The following KMT2A variants were observed in gnomAD, a reference collection of about 807,000 sequenced individuals.
KMT2A encodes the protein lysine methyltransferase 2A, also known as histone-lysine N-methyltransferase 2A.
KMT2A carries 16 observed loss-of-function variants against 345.3 expected under a neutral mutation model. The ratio of observed to expected loss-of-function variants is 0.05; its 90% CI spans 0.03 to 0.07. The LOEUF (loss-of-function observed/expected upper bound fraction) is 0.07, where lower values mean the gene tolerates loss of function less well. KMT2A is among the 10% of genes least tolerant of loss of function. The pLI is 1.00. For synonymous variants in KMT2A, 1,599 were observed against 1,778.6 expected, an observed-to-expected ratio of 0.90 and a Z score of 2.54; for missense variants, 3,272 against 4,841.6, an observed-to-expected ratio of 0.68 and a Z score of 9.62.
At chr11:118,462,813 C>G (rs975134927) in intron 1 of KMT2A, among the ~76,000 whole-genome samples, 1 of 152,196 alleles carries the variant, frequency 6.6e-6, no homozygotes, top group Admixed American at 6.5e-5. Context: ...CCTCCCACGT[C>G]GGCCTCCTAA....
At position 118,505,060 on chromosome 11, in the gene KMT2A, T is replaced by C; in HGVS notation, c.9168T>C (p.Ser3056=). The C allele has an allele frequency of 6.2e-7, 1 of 1,614,140 alleles. No homozygotes were observed. The highest frequency in any genetic ancestry group is 8.5e-7 in the Non-Finnish European group (1 of 1,180,026). The change falls in exon 27 of 36, where the codon AGT becomes AGC. Residue 3056 remains serine (S), a synonymous_variant. Coordinates refer to ENST00000534358, the MANE Select transcript of KMT2A (RefSeq NM_001197104.2). The surrounding 1 kb of genome is among the most constrained non-coding windows in gnomAD (Gnocchi z 4.6). ...AGTATGTGCCCAATTCTACTGATAG[T>C]CCTGGCCCGTCTCAGATTTCCAATG... The part of the protein sequence containing the change: ...NQKYVPNSTD[S]PGPSQISNAA...
intron 10 of KMT2A, among the ~76,000 whole-genome samples, chr11:118,487,651 T>G (rs1950252950): frequency 6.6e-6 from 1 of 152,324 alleles, no homozygotes; most frequent in Non-Finnish European, 1.5e-5. Flanking sequence ...CCATTTTACC[T>G]CTAAATATTT....
rs1949983347 is a variant in KMT2A at position 118,473,651 on chromosome 11, G to T, written c.2492G>T (p.Ser831Ile). The change falls in exon 3 of 36, where the codon AGT (serine) becomes ATT (isoleucine). Residue 831 changes from serine to isoleucine, a missense_variant. Coordinates refer to ENST00000534358, the MANE Select transcript of KMT2A (RefSeq NM_001197104.2). This position sits in a 1 kb window ranked among gnomAD's most constrained non-coding sequence, Gnocchi z 5.2. ...SAPAEPFSSS[S>I]PTPLFPWFTP... is the part of the protein sequence containing the mutation. ...CCGGCAGAGCCATTTTCATCAAGTA[G>T]TCCTACTCCTCTCTTCCCTTGGTTT... The T allele has an allele frequency of 6.2e-7, 1 of 1,614,090 alleles. No individual in the cohort carries two copies.
At position 118,520,769 on chromosome 11, in the gene KMT2A, A is replaced by G. The variant is rs782669151; in HGVS notation, c.11430-33A>G. ...AAGACTCAAAACATTATTTCCTGAA[A>G]AAAATTCGTTAATAGTATGTCTTAT... On this transcript the variant is annotated intron_variant, in intron 33 of 35. Transcript: ENST00000534358. This position sits in a 1 kb window ranked among gnomAD's most constrained non-coding sequence, Gnocchi z 4.3. The G allele has an allele frequency of 6.5e-7, 1 of 1,532,866 alleles. No individual in the cohort carries two copies. The highest frequency in any genetic ancestry group is 9.0e-7 in the Non-Finnish European group (1 of 1,106,120). 95.0% of individuals were successfully genotyped at this position (1,532,866 alleles called of 1,614,324 possible). A position where few individuals can be genotyped will look rare whatever the true frequency, so the allele number is the denominator to read the frequency against.
intron 1 of KMT2A, among the ~76,000 whole-genome samples, chr11:118,462,704 G>A (rs979575159): frequency 6.6e-6 from 1 of 151,952 alleles, no homozygotes; most frequent in African/African-American, 2.4e-5. Flanking sequence ...GACTACAGGC[G>A]CCCGCCATCA....
rs782624653 is a variant in KMT2A, at chr11:118,504,786, TCAC to T, written c.8895_8897del (p.Thr2966del). 3 of 1,614,056 alleles carry T rather than the reference TCAC, an allele frequency of 1.9e-6. No individual in the cohort carries two copies. In the Admixed American group the frequency reaches 5.0e-5, roughly 27 times the overall value. On this transcript the variant is annotated inframe_deletion, in exon 27 of 36. Coordinates refer to ENST00000534358, the MANE Select transcript of KMT2A (RefSeq NM_001197104.2). The surrounding 1 kb of genome is among the most constrained non-coding windows in gnomAD (Gnocchi z 6.4). ...GACTCAGGGGAGAAGAGAGTAACCA[TCAC>T]AGAAAAATCTGTAGCCTCCTCTGAA... is the stretch of plus-strand genomic sequence containing the variant.
In KMT2A at chr11:118,506,489, G is replaced by C; in HGVS notation, c.10597G>C (p.Val3533Leu). 6.2e-7 allele frequency: 1 copy of C among 1,614,228 alleles called. No homozygotes were observed. The highest frequency in any genetic ancestry group is 8.5e-7 in the Non-Finnish European group (1 of 1,180,050). Residue 3533 changes from valine to leucine, a missense_variant, in exon 27 of 36, where the codon GTG (valine) becomes CTG (leucine). Physicochemically the swap from Val to Leu is conservative, Grantham distance 32. Coordinates refer to ENST00000534358, the MANE Select transcript of KMT2A (RefSeq NM_001197104.2). ...TGGACAGCGGTCAGCAAGCCCTTCA[G>C]TGCCGGGTCCCACTAAACCCAAACC... is the stretch of plus-strand genomic sequence containing the variant. ...SSGQRSASPSVPGPTKPKPKT... is the reference protein window; with the variant it reads ...SSGQRSASPSLPGPTKPKPKT...
Position 118,523,745 on chromosome 11 carries a change from G to A in KMT2A, c.*1573G>A, listed in dbSNP as rs1951020120. 4.6e-6 allele frequency: 1 copy of A among 219,686 alleles called. No homozygotes were observed. The highest frequency in any genetic ancestry group is 2.2e-5 in the African/African-American group (1 of 44,586). 13.6% of individuals were successfully genotyped at this position (219,686 alleles called of 1,614,324 possible). ...ATATTCAGCTGTACACACAAAGTCT[G>A]GTTTTTCCTGCCCAACTTCCCCCTG... On this transcript the variant is annotated 3_prime_UTR_variant, in exon 36 of 36. Coordinates refer to ENST00000534358, the MANE Select transcript of KMT2A (RefSeq NM_001197104.2).
In KMT2A at chr11:118,491,711, G is replaced by A; in HGVS notation, c.4820-33G>A. The A allele has an allele frequency of 6.6e-7, 1 of 1,510,888 alleles. No homozygotes were observed. The highest frequency in any genetic ancestry group is 9.0e-7 in the Non-Finnish European group (1 of 1,106,758). The allele number at this position is 1,510,888 out of a possible 1,614,324, so 93.6% of individuals were successfully genotyped here. A position where few individuals can be genotyped will look rare whatever the true frequency, so the allele number is the denominator to read the frequency against. Reference sequence around the variant, plus strand: ...TTCTTCCTCTCTCTCATTCTTCAGAGGACCTCATCATGGTAGGTTTTTGTT... The same window carrying A: ...TTCTTCCTCTCTCTCATTCTTCAGAAGACCTCATCATGGTAGGTTTTTGTT... On this transcript the variant is annotated intron_variant, in intron 14 of 35. Coordinates refer to ENST00000534358, the MANE Select transcript of KMT2A (RefSeq NM_001197104.2). The surrounding 1 kb of genome is among the most constrained non-coding windows in gnomAD (Gnocchi z 4.2).
At position 118,494,909 on chromosome 11, in the gene KMT2A, A is replaced by T. The variant is rs1950380951; in HGVS notation, c.5363+142A>T. On this transcript the variant is annotated intron_variant, in intron 18 of 35. Coordinates refer to ENST00000534358, the MANE Select transcript of KMT2A (RefSeq NM_001197104.2). This position sits in a 1 kb window ranked among gnomAD's most constrained non-coding sequence, Gnocchi z 5.8. ...ATGCCTTTTCGGTGTGGTTTTGAGGACTACATTTAATGTTTGTTATAAGCA... is the reference window on the plus strand; with the variant it reads ...ATGCCTTTTCGGTGTGGTTTTGAGGTCTACATTTAATGTTTGTTATAAGCA... 1.5e-6 allele frequency: 1 copy of T among 650,810 alleles called. No individual in the cohort carries two copies. The highest frequency in any genetic ancestry group is 1.9e-5 in the South Asian group (1 of 52,590). 40.3% of individuals were successfully genotyped at this position (650,810 alleles called of 1,614,324 possible). A position where few individuals can be genotyped will look rare whatever the true frequency, so the allele number is the denominator to read the frequency against.
chr11:118,485,753 G>A (rs1022149742), intron 10 of KMT2A, among the ~76,000 whole-genome samples: 3 of 152,130 alleles, frequency 2.0e-5, no homozygotes, highest in Non-Finnish European at 1.5e-5. Flanking sequence ...GAAACAACCC[G>A]AAAGTCCATC....
chr11:118,502,398 G>C lies in KMT2A; in HGVS notation c.6506G>C (p.Gly2169Ala), dbSNP rs1555045979. Residue 2169 changes from glycine to alanine, a missense_variant and splice_region_variant, in exon 27 of 36, where the codon GGA (glycine) becomes GCA (alanine). By Grantham distance (60) the Gly-to-Ala change is moderately conservative. Around this residue, in one of 27 missense-constraint regions of KMT2A, gnomAD observed 14 missense variants for 38.4 expected, o/e 0.36. Coordinates refer to ENST00000534358, the MANE Select transcript of KMT2A (RefSeq NM_001197104.2). The surrounding 1 kb of genome is among the most constrained non-coding windows in gnomAD (Gnocchi z 4.9). ...TTATTACTTTTTCTCTCTTGTTTAGGAAGTCCTACCCCAACCACTCATGAA... is the reference window on the plus strand; with the variant it reads ...TTATTACTTTTTCTCTCTTGTTTAGCAAGTCCTACCCCAACCACTCATGAA... ...SPGCRPLPSA[G>A]SPTPTTHEIV... 1 of 1,569,332 alleles carries C rather than the reference G, an allele frequency of 6.4e-7. No individual in the cohort carries two copies. The highest frequency in any genetic ancestry group is 8.6e-7 in the Non-Finnish European group (1 of 1,159,146).
intron 25 of KMT2A, 41 bp from the exon 26 acceptor site, chr11:118,501,631 A>G (rs781889183): frequency 1.5e-5 from 23 of 1,530,438 alleles, no homozygotes; most frequent in Non-Finnish European, 2.0e-5. Context: ...TGATATTTTA[A>G]TTGGGCCTTT....
chr11:118,496,113 G>GT lies in KMT2A; in HGVS notation c.5558-147dup, dbSNP rs1950405245. The GT allele has an allele frequency of 5.6e-6, 4 of 712,090 alleles. No individual in the cohort carries two copies. Among genetic ancestry groups the GT allele is most frequent in the Non-Finnish European group, 9.6e-6 (4 of 418,640 alleles). 44.1% of individuals were successfully genotyped at this position (712,090 alleles called of 1,614,324 possible). A position where few individuals can be genotyped will look rare whatever the true frequency, so the allele number is the denominator to read the frequency against. On this transcript the variant is annotated intron_variant, in intron 19 of 35. Transcript: ENST00000534358. This position sits in a 1 kb window ranked among gnomAD's most constrained non-coding sequence, Gnocchi z 4.7. ...ATTGTAACATAGATGATGAGGTAGC[G>GT]TAACTCTGAACACTTTTTGAAAAGT...
At chr11:118,506,744 T>C in intron 27 of KMT2A, 98 bp downstream of exon 27, 2 of 1,270,716 alleles carry the variant, frequency 1.6e-6, no homozygotes, top group Non-Finnish European at 2.2e-6. Context: ...ACTCTTCTGT[T>C]CAAGTTGCAT....
intron 28 of KMT2A, chr11:118,507,910 C>G: frequency 3.3e-6 from 1 of 302,450 alleles, no homozygotes; most frequent in Non-Finnish European, 6.5e-6. Context: ...TTGCAGTGAG[C>G]TGAGATCGCG....
In KMT2A at chr11:118,484,382, C is replaced by T; in HGVS notation, c.4218+68C>T. The T allele has an allele frequency of 6.5e-7, 1 of 1,530,224 alleles. No homozygotes were observed. The highest frequency in any genetic ancestry group is 1.4e-5 in the African/African-American group (1 of 72,598). The allele number at this position is 1,530,224 out of a possible 1,614,324, so 94.8% of individuals were successfully genotyped here. On this transcript the variant is annotated intron_variant, in intron 9 of 35. Coordinates refer to ENST00000534358, the MANE Select transcript of KMT2A (RefSeq NM_001197104.2). This position sits in a 1 kb window ranked among gnomAD's most constrained non-coding sequence, Gnocchi z 4.1. The stretch of plus-strand genomic sequence containing the variant: ...ACTTTAAATAAAGAAAATGCTACTA[C>T]CAAAGGTGTTGAAAGAGGAAATCAG...
chr11:118,489,766 C>G, intron 11 of KMT2A, 26 bp from the exon 12 acceptor site: 2 of 1,597,620 alleles, frequency 1.3e-6, no homozygotes, highest in Non-Finnish European at 1.7e-6. Flanking sequence ...TGATGCTTAT[C>G]TTTTTGCCAT....
At position 118,502,088 on chromosome 11, in the gene KMT2A, A is replaced by G. The variant is rs1950509688; in HGVS notation, c.6505+231A>G. Among the ~76,000 whole-genome samples, 1 of 152,036 alleles carries G rather than the reference A, an allele frequency of 6.6e-6. No individual in the cohort carries two copies. Among genetic ancestry groups the G allele is most frequent in the Non-Finnish European group, 1.5e-5 (1 of 68,008 alleles). ...GCCAACATGGTGAAACCCTATCTCT[A>G]CTAAAAATTCAAAAATTAGCCAGGT... On this transcript the variant is annotated intron_variant, in intron 26 of 35. Coordinates refer to ENST00000534358, the MANE Select transcript of KMT2A (RefSeq NM_001197104.2). The surrounding 1 kb of genome is among the most constrained non-coding windows in gnomAD (Gnocchi z 4.9).
Sources: gnomAD v4.1 joint callset for allele counts (sites outside exome capture counted in the v4.1 genomes callset) on GRCh38, gnomAD v4.1.1 for gene constraint, gnomAD v4.1.1 regional missense constraint, Gnocchi (gnomAD v3.1) non-coding constraint, MANE v1.5 for transcripts, NCBI Gene and HGNC (gene_info 2026-07-23, HGNC 2026-07-21) for gene names.